BTG4: variants seen among roughly 807,000 people sequenced by gnomAD.
The protein encoded by BTG4 is protein BTG4.
In BTG4, 10 loss-of-function variants were observed where a neutral mutation model predicts 19.3. The ratio of observed to expected loss-of-function variants is 0.52; its 90% CI spans 0.32 to 0.88. The LOEUF is 0.88. Ranked by LOEUF, BTG4 falls within the 40% of genes least tolerant of loss-of-function variation. The probability of loss-of-function intolerance (pLI) is 0.04; values close to 1 mark genes in which losing one functional copy is unlikely to be tolerated. For missense variants in BTG4, 238 were observed against 281.9 expected, an observed-to-expected ratio of 0.84 and a Z score of 1.11; for synonymous variants, 91 against 95.7, an observed-to-expected ratio of 0.95 and a Z score of 0.29.
At chr11:111,469,324 T>G (rs1447631431) in intron 5 of BTG4, 1 of 152,258 alleles carries the variant, frequency 6.6e-6, no homozygotes, top group African/African-American at 2.4e-5. Flanking sequence ...CAGCCCTGCC[T>G]TTCTGGGGTC....
At chr11:111,414,803 G>A in the BTG4 span, 13 of 152,266 alleles carry the variant, frequency 8.5e-5, no homozygotes, top group East Asian at 1.9e-3. Flanking sequence ...AAGATCCCCA[G>A]GCAAAACTGA....
chr11:111,472,266 A>T (rs1252975400), intron 5 of BTG4, among the ~76,000 whole-genome samples: 1 of 152,060 alleles, frequency 6.6e-6, no homozygotes, highest in Non-Finnish European at 1.5e-5. Context: ...CTCAACTCCA[A>T]CCACACTTTC....
intron 5 of BTG4, among the ~76,000 whole-genome samples, chr11:111,489,784 G>T (rs995928315): frequency 6.6e-6 from 1 of 151,792 alleles, no homozygotes; most frequent in Non-Finnish European, 1.5e-5. Flanking sequence ...TCACACTTGG[G>T]AGTGAAAAAA....
At chr11:111,455,149 A>T in the BTG4 span, 1 of 442,356 alleles carries the variant, frequency 2.3e-6, no homozygotes, top group Non-Finnish European at 4.6e-6. Flanking sequence ...CCCTCCCCTC[A>T]CTGAGGTCCA....
chr11:111,489,075 A>G (rs879082602), intron 5 of BTG4, among the ~76,000 whole-genome samples: 1 of 151,908 alleles, frequency 6.6e-6, no homozygotes, highest in Non-Finnish European at 1.5e-5. Context: ...ACCCAGAAGC[A>G]GACGTTGTGG....
At chr11:111,434,763 G>C in the BTG4 span, among the ~76,000 whole-genome samples, 1 of 151,540 alleles carries the variant, frequency 6.6e-6, no homozygotes. Context: ...TCAAATCCAA[G>C]TTTCCTGGCA....
the BTG4 span, chr11:111,455,554 A>C: frequency 1.6e-5 from 4 of 253,192 alleles, no homozygotes; most frequent in African/African-American, 8.9e-5. Context: ...GAGGTTCAGC[A>C]GCAGTTGAAA....
chr11:111,502,241 G>A (rs1866133382), intron 1 of BTG4, among the ~76,000 whole-genome samples: 2 of 151,952 alleles, frequency 1.3e-5, no homozygotes, highest in South Asian at 4.1e-4. Flanking sequence ...CAAAGTGCTA[G>A]GATTACAGGT....
the BTG4 span, chr11:111,397,746 C>T: frequency 6.6e-6 from 1 of 152,048 alleles, no homozygotes; most frequent in Non-Finnish European, 1.5e-5. Context: ...TTGATGTATC[C>T]CAATACTAAG....
chr11:111,485,447 A>G (rs1291021262), intron 5 of BTG4, among the ~76,000 whole-genome samples: 1 of 152,180 alleles, frequency 6.6e-6, no homozygotes, highest in African/African-American at 2.4e-5. Context: ...ATCAATAACA[A>G]AGGAAACTTT....
At chr11:111,480,254 A>G (rs1435207767) in intron 5 of BTG4, among the ~76,000 whole-genome samples, 1 of 152,142 alleles carries the variant, frequency 6.6e-6, no homozygotes, top group East Asian at 1.9e-4. Context: ...GGAACATTAC[A>G]TAATGATGAA....
At chr11:111,446,559 G>A in the BTG4 span, among the ~76,000 whole-genome samples, 2 of 151,640 alleles carry the variant, frequency 1.3e-5, no homozygotes, top group African/African-American at 4.8e-5. Flanking sequence ...TGGAATTGTT[G>A]CAAAACATTA....
downstream of BTG4, among the ~76,000 whole-genome samples, chr11:111,492,963 T>C (rs1472228995): frequency 6.6e-6 from 1 of 152,090 alleles, no homozygotes; most frequent in Non-Finnish European, 1.5e-5. Flanking sequence ...GTGGCCAACA[T>C]GGTGAAATGC....
At chr11:111,413,163 G>T in the BTG4 span, among the ~76,000 whole-genome samples, 1 of 152,212 alleles carries the variant, frequency 6.6e-6, no homozygotes, top group East Asian at 1.9e-4. Flanking sequence ...GAGAAGGCAA[G>T]AGTCAGCGTA....
chr11:111,418,091 T>C, the BTG4 span: 1 of 152,206 alleles, frequency 6.6e-6, no homozygotes, highest in Non-Finnish European at 1.5e-5. Context: ...AAGCTCATTA[T>C]GCTCTCCTCC....
chr11:111,402,044 T>C, the BTG4 span, among the ~76,000 whole-genome samples: 121 of 152,352 alleles, frequency 7.9e-4, no homozygotes, highest in South Asian at 0.024. Context: ...CCTTGAATTG[T>C]AATAATCCCC....
intron 5 of BTG4, among the ~76,000 whole-genome samples, chr11:111,472,314 C>T (rs188422142): frequency 6.6e-6 from 1 of 152,344 alleles, no homozygotes; most frequent in East Asian, 1.9e-4. Flanking sequence ...ACACTTCTCT[C>T]GAGGGTTCCC....
downstream of BTG4, among the ~76,000 whole-genome samples, chr11:111,464,899 G>T (rs1863628885): frequency 6.6e-6 from 1 of 152,098 alleles, no homozygotes; most frequent in South Asian, 2.1e-4. Context: ...TTTCCAAAAG[G>T]GAATTTCCAA....
Position 111,494,994 on chromosome 11 carries a change from G to A in BTG4, c.*141C>T, listed in dbSNP as rs1461360942. ...CTAAGAACAGTGATGATCTGTATGAGAGGATTTACCATTGTGTACCCTAGT... is the reference window on the plus strand; with the variant it reads ...CTAAGAACAGTGATGATCTGTATGAAAGGATTTACCATTGTGTACCCTAGT... On this transcript the variant is annotated 3_prime_UTR_variant, in exon 5 of 5. Transcript: ENST00000692032. 7.1e-6 allele frequency: 7 copies of A among 985,316 alleles called. No individual in the cohort carries two copies. The highest frequency in any genetic ancestry group is 7.2e-6 in the Non-Finnish European group (6 of 829,880). The allele number at this position is 985,316 out of a possible 1,614,324, so 61.0% of individuals were successfully genotyped here. A position where few individuals can be genotyped will look rare whatever the true frequency, so the allele number is the denominator to read the frequency against.
Sources: gnomAD v4.1 joint callset for allele counts (sites outside exome capture counted in the v4.1 genomes callset) on GRCh38, gnomAD v4.1.1 for gene constraint, MANE v1.5 for transcripts, NCBI Gene and HGNC (gene_info 2026-07-23, HGNC 2026-07-21) for gene names.